SOD2: variants seen among roughly 807,000 people sequenced by gnomAD.
SOD2 encodes superoxide dismutase 2.
In SOD2, 11 loss-of-function variants were observed where a neutral mutation model predicts 27.0. That is an observed-to-expected ratio of 0.41 (90% CI 0.26 to 0.67). The LOEUF (loss-of-function observed/expected upper bound fraction) is 0.67. SOD2 is among the 30% of genes least tolerant of loss of function. The probability of loss-of-function intolerance (pLI) is 0.34; values close to 1 mark genes in which losing one functional copy is unlikely to be tolerated. For missense variants in SOD2, 250 were observed against 274.5 expected (o/e 0.91, Z 0.63); for synonymous variants, 105 against 103.0 (o/e 1.02, Z -0.12).
At chr6:159,751,520 G>A (rs777161558) in intron 1 of SOD2, among the ~76,000 whole-genome samples, 9 of 152,202 alleles carry the variant, frequency 5.9e-5, no homozygotes, top group African/African-American at 1.9e-4. Context: ...TAATTTCTAA[G>A]TGGATGTTCA....
intron 1 of SOD2, among the ~76,000 whole-genome samples, chr6:159,708,387 A>C (rs1181039068): frequency 6.6e-6 from 1 of 152,202 alleles, no homozygotes; most frequent in Admixed American, 6.5e-5. Flanking sequence ...CTCAGCCCAA[A>C]ATCTCCTTAA....
intron 1 of SOD2, chr6:159,736,773 C>A (rs956096210): frequency 6.5e-6 from 1 of 153,700 alleles, no homozygotes; most frequent in East Asian, 1.9e-4. Context: ...GTTGTCTAGT[C>A]TCAAATCTCC....
At chr6:159,718,449 CTA>C (rs1402875372) in intron 1 of SOD2, among the ~76,000 whole-genome samples, 1 of 151,896 alleles carries the variant, frequency 6.6e-6, no homozygotes, top group East Asian at 1.9e-4. Context: ...TAATAATAGT[CTA>C]GTAAAAATTA....
chr6:159,758,092 G>A (rs1299774087), intron 1 of SOD2, among the ~76,000 whole-genome samples: 1 of 152,192 alleles, frequency 6.6e-6, no homozygotes, highest in Non-Finnish European at 1.5e-5. Flanking sequence ...TTTCTGGTAT[G>A]CCTGTGATAA....
In SOD2 at chr6:159,739,824, C is replaced by CTTTT. The variant is rs56389349; in HGVS notation, c.-116+5302_-116+5305dup. 6.9e-4 allele frequency among the ~76,000 whole-genome samples: 59 copies of CTTTT among 85,184 alleles called. 1 individual carries two copies. Among genetic ancestry groups the CTTTT allele is most frequent in the Non-Finnish European group, 1.1e-3 (52 of 45,962 alleles). The allele number at this position is 85,184 out of a possible 152,430, so 55.9% of individuals were successfully genotyped here. ...ACTGTATTATGAACACACTTTTTAC[C>CTTTT]TTTTTTTTTTTTTTTTTTTTTTTTT... On this transcript the variant is annotated intron_variant, in intron 1 of 3. Coordinates refer to the SOD2 transcript ENST00000537657.
chr6:159,701,476 C>G (rs950475466), intron 1 of SOD2, among the ~76,000 whole-genome samples: 29 of 151,906 alleles, frequency 1.9e-4, no homozygotes, highest in African/African-American at 6.5e-4. Context: ...GAGGCTGAGG[C>G]CCGAGGATCA....
chr6:159,762,170 G>C (rs897165426), exon 1 of SOD2: 2 of 1,601,898 alleles, frequency 1.2e-6, no homozygotes, highest in East Asian at 2.3e-5. Context: ...GCCGCGCAGA[G>C]TCCGAGGCGC....
chr6:159,746,423 G>A (rs1427452659), upstream of SOD2, among the ~76,000 whole-genome samples: 1 of 152,150 alleles, frequency 6.6e-6, no homozygotes, highest in East Asian at 1.9e-4. Context: ...TACCCTTGGT[G>A]TTTCAAATTA....
chr6:159,714,713 G>A (rs1777894395), intron 1 of SOD2, among the ~76,000 whole-genome samples: 2 of 152,168 alleles, frequency 1.3e-5, no homozygotes, highest in Admixed American at 6.5e-5. Flanking sequence ...ACAGCCCACT[G>A]GCATTTTCAT....
At chr6:159,736,722 TA>T (rs1283196564) in intron 1 of SOD2, 1 of 153,560 alleles carries the variant, frequency 6.5e-6, no homozygotes, top group East Asian at 1.9e-4. Flanking sequence ...AAAAAATGGT[TA>T]TAGCTAATTT....
chr6:159,705,883 C>G (rs111867204), intron 1 of SOD2, among the ~76,000 whole-genome samples: 2 of 152,162 alleles, frequency 1.3e-5, no homozygotes, highest in Non-Finnish European at 2.9e-5. Flanking sequence ...TCGGGTTACC[C>G]ACAAAGGGAA....
intron 1 of SOD2, among the ~76,000 whole-genome samples, chr6:159,710,447 C>G (rs1777712353): frequency 6.6e-6 from 1 of 151,294 alleles, no homozygotes; most frequent in African/African-American, 2.4e-5. Context: ...GACTCTGTCT[C>G]AAAAAAAGAG....
upstream of SOD2, among the ~76,000 whole-genome samples, chr6:159,750,088 T>C (rs1453039019): frequency 7.0e-6 from 1 of 142,092 alleles, no homozygotes; most frequent in African/African-American, 2.7e-5. Context: ...TGTGTGACTT[T>C]TCAGCAAGAA....
intron 1 of SOD2, among the ~76,000 whole-genome samples, chr6:159,742,425 A>C (rs1779314128): frequency 6.6e-6 from 1 of 152,204 alleles, no homozygotes; most frequent in East Asian, 1.9e-4. Flanking sequence ...GAACTACTTG[A>C]AACTTTTCTT....
exon 1 of SOD2, chr6:159,761,510 C>T (rs1562472862): frequency 4.4e-6 from 2 of 455,984 alleles, no homozygotes; most frequent in Admixed American, 4.7e-5. Flanking sequence ...GAATGACTGG[C>T]GCCAGGAGAA....
rs1409658976 is a variant in SOD2 at position 159,688,225 on chromosome 6, T to C, written c.244A>G (p.Ile82Val). ...AACTTCAGTGCAGGCTGAAGAGCTA[T>C]CTGGGCTGTAACATCTCCTGAAAAG... is the stretch of plus-strand genomic sequence containing the variant. ...ALAKGDVTAQ[I>V]ALQPALKFNG... Residue 82 changes from isoleucine to valine, a missense_variant, in exon 3 of 5, where the codon ATA (isoleucine) becomes GTA (valine). Ile to Val is a conservative substitution (Grantham distance 29). Coordinates refer to ENST00000538183, the MANE Select transcript of SOD2 (RefSeq NM_000636.4). 2 of 1,610,306 alleles carry C rather than the reference T, an allele frequency of 1.2e-6. No individual in the cohort carries two copies. The highest frequency in any genetic ancestry group is 1.1e-5 in the South Asian group (1 of 90,756).
intron 1 of SOD2, chr6:159,760,133 G>C (rs902579348): frequency 6.6e-6 from 1 of 152,196 alleles, no homozygotes; most frequent in African/African-American, 2.4e-5. Flanking sequence ...GGTTTTTCTG[G>C]AAGAAGTGAT....
chr6:159,752,864 C>A (rs1779871984), intron 1 of SOD2, among the ~76,000 whole-genome samples: 1 of 152,178 alleles, frequency 6.6e-6, no homozygotes, highest in African/African-American at 2.4e-5. Context: ...CTCAGCCTTT[C>A]CAGAGGCTGG....
chr6:159,748,022 CTG>C (rs544609576), upstream of SOD2, among the ~76,000 whole-genome samples: 3 of 152,064 alleles, frequency 2.0e-5, no homozygotes, highest in South Asian at 4.1e-4. The surrounding 1 kb of genome is among the most constrained non-coding windows in gnomAD (Gnocchi z 5.6). Context: ...AGTTTTTAGT[CTG>C]TACTTTTTCT....
Sources: gnomAD v4.1 joint callset for allele counts (sites outside exome capture counted in the v4.1 genomes callset) on GRCh38, gnomAD v4.1.1 for gene constraint, Gnocchi (gnomAD v3.1) non-coding constraint, MANE v1.5 for transcripts, NCBI Gene and HGNC (gene_info 2026-07-23, HGNC 2026-07-21) for gene names.